Variants in TBC1D22A observed in about 807,000 individuals in gnomAD.
The protein encoded by TBC1D22A is putative GTPase activator.
Under a neutral mutation model 60.2 loss-of-function variants are expected in TBC1D22A, and 38 were observed. The ratio of observed to expected loss-of-function variants is 0.63; its 90% CI spans 0.49 to 0.83. The LOEUF (loss-of-function observed/expected upper bound fraction) is 0.83, where lower values mean the gene tolerates loss of function less well. Ranked by LOEUF, TBC1D22A falls within the 40% of genes least tolerant of loss-of-function variation. The pLI, the probability that TBC1D22A is intolerant of heterozygous loss-of-function variation, is 0.00. For missense variants in TBC1D22A, 628 were observed against 701.0 expected (o/e 0.90, Z 1.18); for synonymous variants, 302 against 281.7 (o/e 1.07, Z -0.72).
At chr22:47,171,812 A>G (rs570203407) in intron 12 of TBC1D22A, among the ~76,000 whole-genome samples, 5 of 152,160 alleles carry the variant, frequency 3.3e-5, no homozygotes, top group Admixed American at 6.5e-5. Context: ...GACGTAGGTC[A>G]GTCTCCATCT....
At chr22:47,173,196 G>A (rs377622397) in intron 12 of TBC1D22A, among the ~76,000 whole-genome samples, 56 of 152,342 alleles carry the variant, frequency 3.7e-4, no homozygotes, top group Middle Eastern at 6.8e-3. Context: ...TGCGCAGTGG[G>A]CCTCCTGCCT....
intron 9 of TBC1D22A, among the ~76,000 whole-genome samples, chr22:46,976,271 G>A (rs1441905038): frequency 1.3e-5 from 2 of 152,208 alleles, no homozygotes; most frequent in African/African-American, 4.8e-5. Context: ...CAGGGCCGAT[G>A]AGTGTGAGGG....
At chr22:46,963,150 G>C (rs573750102) in intron 8 of TBC1D22A, among the ~76,000 whole-genome samples, 19 of 151,582 alleles carry the variant, frequency 1.3e-4, no homozygotes, top group African/African-American at 4.6e-4. Context: ...GAACTTGGGA[G>C]GTGGAGCTTG....
At chr22:46,965,991 G>A (rs1271042175) in intron 8 of TBC1D22A, among the ~76,000 whole-genome samples, 1 of 152,102 alleles carries the variant, frequency 6.6e-6, no homozygotes, top group Admixed American at 6.5e-5. Flanking sequence ...CACACCTCCC[G>A]CAGCCATGGC....
intron 8 of TBC1D22A, among the ~76,000 whole-genome samples, chr22:46,973,483 T>C (rs2074161029): frequency 6.6e-6 from 1 of 152,230 alleles, no homozygotes; most frequent in African/African-American, 2.4e-5. Flanking sequence ...CTTCAACCTT[T>C]CTACATATAT....
At chr22:46,817,484 C>A (rs1330761408) in intron 4 of TBC1D22A, among the ~76,000 whole-genome samples, 1 of 152,132 alleles carries the variant, frequency 6.6e-6, no homozygotes, top group Non-Finnish European at 1.5e-5. Flanking sequence ...CAACTCCCAG[C>A]TATGAGTGAG....
intron 4 of TBC1D22A, among the ~76,000 whole-genome samples, chr22:46,850,326 C>CTG (rs148837897): frequency 7.2e-5 from 11 of 151,950 alleles, no homozygotes; most frequent in Non-Finnish European, 1.6e-4. Context: ...AGCATGGTGG[C>CTG]TGTGTGTGTG....
In TBC1D22A at chr22:47,009,593, A is replaced by G. The variant is rs2061693679; in HGVS notation, c.1201+11884A>G. Among the ~76,000 whole-genome samples, 1 of 151,552 alleles carries G rather than the reference A, an allele frequency of 6.6e-6. No homozygotes were observed. Among genetic ancestry groups the G allele is most frequent in the African/African-American group, 2.4e-5 (1 of 41,152 alleles). ...CAGCATCATCATCACCATCACCATC[A>G]TTCTGTCATCACCATCATCATTACT... On this transcript the variant is annotated intron_variant, in intron 10 of 12. Coordinates refer to ENST00000337137, the MANE Select transcript of TBC1D22A (RefSeq NM_014346.5). The surrounding 1 kb of genome is among the most constrained non-coding windows in gnomAD (Gnocchi z 5.8).
At chr22:46,904,079 T>G (rs903902577) in intron 7 of TBC1D22A, among the ~76,000 whole-genome samples, 6 of 146,080 alleles carry the variant, frequency 4.1e-5, no homozygotes, top group African/African-American at 1.6e-4. Flanking sequence ...TGTATACATA[T>G]ATACATATCT....
chr22:47,137,390 G>A (rs2066915059), intron 12 of TBC1D22A, among the ~76,000 whole-genome samples: 1 of 152,182 alleles, frequency 6.6e-6, no homozygotes, highest in Admixed American at 6.5e-5. Flanking sequence ...TGGCGTCCCG[G>A]CCCTGTCATC....
At chr22:46,784,953 C>CA (rs150104960) in intron 1 of TBC1D22A, among the ~76,000 whole-genome samples, 2,470 of 152,280 alleles carry the variant, frequency 0.016, 73 homozygotes, top group African/African-American at 0.057. Flanking sequence ...GGGCCTTGAA[C>CA]CCGAGCCTTT....
chr22:46,929,715 T>C (rs1016289329), intron 8 of TBC1D22A, among the ~76,000 whole-genome samples: 3 of 151,904 alleles, frequency 2.0e-5, no homozygotes, highest in Non-Finnish European at 2.9e-5. Flanking sequence ...TGTGTGTGTG[T>C]GCGTGTGCGT....
At chr22:47,061,005 C>T (rs565821000) in intron 11 of TBC1D22A, among the ~76,000 whole-genome samples, 27 of 152,310 alleles carry the variant, frequency 1.8e-4, no homozygotes, top group South Asian at 1.0e-3. Flanking sequence ...AGGTAACCAC[C>T]GGAACCGCTC....
intron 9 of TBC1D22A, 105 bp from the exon 10 acceptor site, chr22:46,997,529 C>T (rs908042035): frequency 1.7e-5 from 14 of 820,242 alleles, no homozygotes; most frequent in Non-Finnish European, 2.2e-5. Flanking sequence ...TTTGTGAATT[C>T]GTCCTATTAT....
intron 8 of TBC1D22A, chr22:46,913,561 T>C: frequency 3.3e-6 from 4 of 1,198,812 alleles, no homozygotes; most frequent in Non-Finnish European, 4.2e-6. Context: ...CCTAATCATC[T>C]CTTAAGTAGG....
chr22:46,835,124 T>C (rs1260103006), intron 4 of TBC1D22A, among the ~76,000 whole-genome samples: 6 of 152,176 alleles, frequency 3.9e-5, no homozygotes, highest in Non-Finnish European at 7.3e-5. Flanking sequence ...GTCAGGCTGA[T>C]TGGAAGATCT....
rs533247907 is a variant in TBC1D22A at position 47,134,209 on chromosome 22, G to A, written c.1425+22606G>A. On this transcript the variant is annotated intron_variant, in intron 12 of 12. Coordinates refer to ENST00000337137, the MANE Select transcript of TBC1D22A (RefSeq NM_014346.5). ...AAGCCCTTATTATCCCATTGGTGGT[G>A]TTTGATATCTAAGGCAGATAAACTC... Among the ~76,000 whole-genome samples the A allele has an allele frequency of 9.2e-5, 14 of 152,356 alleles. 1 individual carries two copies. The South Asian group carries it at 2.7e-3, about 29-fold the overall frequency.
chr22:46,988,832 G>T (rs2074824790), intron 9 of TBC1D22A, among the ~76,000 whole-genome samples: 1 of 152,214 alleles, frequency 6.6e-6, no homozygotes, highest in African/African-American at 2.4e-5. Flanking sequence ...AAGAGAGTCA[G>T]CTGGTCCTTC....
intron 11 of TBC1D22A, among the ~76,000 whole-genome samples, chr22:47,053,116 C>G (rs112108020): frequency 0.053 from 8,030 of 151,880 alleles, 278 homozygotes; most frequent in Admixed American, 0.11. Flanking sequence ...CAGGGCCTCA[C>G]TGCTTCCTGC....
Sources: allele counts gnomAD v4.1 joint callset (sites outside exome capture counted in the v4.1 genomes callset), GRCh38; gene constraint gnomAD v4.1.1; non-coding constraint Gnocchi (gnomAD v3.1); transcripts MANE v1.5; gene names NCBI Gene and HGNC (gene_info 2026-07-23, HGNC 2026-07-21).